Variants in GALNT2 observed in about 807,000 individuals in gnomAD.
The protein encoded by GALNT2 is polypeptide N-acetylgalactosaminyltransferase 2, also known as UDP-GalNAc:polypeptide N-acetylgalactosaminyltransferase 2.
GALNT2 carries 31 observed loss-of-function variants against 81.4 expected under a neutral mutation model. The ratio of observed to expected loss-of-function variants is 0.38; its 90% CI spans 0.29 to 0.51. GALNT2 has a LOEUF of 0.51. Among genes scored for constraint, GALNT2 ranks in the 20% least tolerant of loss-of-function variants. The pLI is 0.87. For synonymous variants in GALNT2, 303 were observed against 287.4 expected (o/e 1.05, Z -0.55); for missense variants, 629 against 765.7 (o/e 0.82, Z 2.11).
At position 230,261,506 on chromosome 1, in the gene GALNT2, G is replaced by A. The variant is rs144553265; in HGVS notation, c.1137-1067G>A. Among the ~76,000 whole-genome samples the A allele has an allele frequency of 1.6e-3, 245 of 152,332 alleles. 1 individual carries two copies. Among genetic ancestry groups the A allele is most frequent in the African/African-American group, 5.3e-3 (222 of 41,574 alleles). ...TGAAGTGGGAGTCCACCTTATAGCC[G>A]AGACCAGAATATGGGAGCAAAGAGG... On this transcript the variant is annotated intron_variant, in intron 11 of 15. Transcript: ENST00000366672.
At position 230,249,167 on chromosome 1, in the gene GALNT2, C is replaced by T; in HGVS notation, c.818-17C>T. 2 of 1,613,244 alleles carry T rather than the reference C, an allele frequency of 1.2e-6. No individual in the cohort carries two copies. The highest frequency in any genetic ancestry group is 1.7e-6 in the Non-Finnish European group (2 of 1,179,258). ...CCAGTCTCTTGTCAACACCCTGTTT[C>T]TTTTCCTGGCTGGCAGGTTTTGATT... On this transcript the variant is annotated splice_polypyrimidine_tract_variant and intron_variant, in intron 8 of 15. Coordinates refer to ENST00000366672, the MANE Select transcript of GALNT2 (RefSeq NM_004481.5).
intron 3 of GALNT2, among the ~76,000 whole-genome samples, chr1:230,220,119 G>T (rs1010295286): frequency 1.2e-4 from 18 of 152,272 alleles, no homozygotes; most frequent in African/African-American, 3.4e-4. Flanking sequence ...ACAGTACCTT[G>T]TACTCAAACA....
chr1:230,231,081 C>T (rs1664852600), intron 3 of GALNT2, among the ~76,000 whole-genome samples: 1 of 152,168 alleles, frequency 6.6e-6, no homozygotes, highest in African/African-American at 2.4e-5. Context: ...TACTTGGAGC[C>T]GCTGCTGCAT....
intron 6 of GALNT2, among the ~76,000 whole-genome samples, chr1:230,241,385 G>A (rs1665194776): frequency 6.6e-6 from 1 of 151,768 alleles, no homozygotes; most frequent in Non-Finnish European, 1.5e-5. Context: ...AGATGATGAT[G>A]CTGAACTTCT....
At chr1:230,182,071 T>C (rs1213878293) in intron 2 of GALNT2, among the ~76,000 whole-genome samples, 1 of 152,218 alleles carries the variant, frequency 6.6e-6, no homozygotes, top group East Asian at 1.9e-4. Flanking sequence ...ATCCATGGGA[T>C]CTGTAGTTAT....
chr1:230,235,467 G>A (rs979657605), intron 3 of GALNT2, among the ~76,000 whole-genome samples: 1 of 152,142 alleles, frequency 6.6e-6, no homozygotes, highest in African/African-American at 2.4e-5. Context: ...ACTGCCCTTT[G>A]GGGTATTTGG....
intron 3 of GALNT2, among the ~76,000 whole-genome samples, chr1:230,229,733 A>G (rs969333635): frequency 2.0e-5 from 3 of 152,238 alleles, no homozygotes; most frequent in African/African-American, 4.8e-5. Context: ...GGGTGAATGA[A>G]ACAGAGCTGT....
intron 4 of GALNT2, 50 bp from the exon 5 acceptor site, chr1:230,236,303 G>A (rs78869386): frequency 6.3e-7 from 1 of 1,578,570 alleles, no homozygotes; most frequent in East Asian, 2.2e-5. Flanking sequence ...CAGGCTAAAA[G>A]TTTATACCCC....
chr1:230,210,164 G>A (rs747236044), intron 3 of GALNT2, among the ~76,000 whole-genome samples: 4 of 152,176 alleles, frequency 2.6e-5, no homozygotes, highest in African/African-American at 4.8e-5. Context: ...GCCTGGAAAT[G>A]CATCTGATAA....
At chr1:230,115,993 T>C (rs1049356652) in intron 1 of GALNT2, among the ~76,000 whole-genome samples, 7 of 152,192 alleles carry the variant, frequency 4.6e-5, no homozygotes, top group African/African-American at 1.7e-4. Flanking sequence ...TCTTGGTGTT[T>C]CCACCACAAC....
chr1:230,202,309 G>A (rs911315826), intron 2 of GALNT2, among the ~76,000 whole-genome samples: 1 of 152,064 alleles, frequency 6.6e-6, no homozygotes, highest in African/African-American at 2.4e-5. Context: ...TTACACCTGG[G>A]CTCATCCTGA....
chr1:230,214,736 C>G (rs761624411), intron 3 of GALNT2, among the ~76,000 whole-genome samples: 1 of 152,188 alleles, frequency 6.6e-6, no homozygotes, highest in South Asian at 2.1e-4. Context: ...TCTCCTCTTC[C>G]TCTGAGACCC....
At chr1:230,116,860 C>T (rs183345968) in intron 1 of GALNT2, among the ~76,000 whole-genome samples, 8 of 152,288 alleles carry the variant, frequency 5.3e-5, no homozygotes, top group East Asian at 1.9e-4. Context: ...CTAGGAGTTT[C>T]GGAATGGTAA....
chr1:230,112,378 G>A (rs955722769), intron 1 of GALNT2, among the ~76,000 whole-genome samples: 42 of 144,838 alleles, frequency 2.9e-4, no homozygotes, highest in Non-Finnish European at 4.9e-4. Context: ...CAGAGGCGCC[G>A]GGGGAGGGGG....
chr1:230,191,339 G>A (rs923013537), intron 2 of GALNT2, among the ~76,000 whole-genome samples: 1 of 152,192 alleles, frequency 6.6e-6, no homozygotes, highest in Non-Finnish European at 1.5e-5. Context: ...TGTCCGATGA[G>A]GAACATGTGC....
intron 1 of GALNT2, among the ~76,000 whole-genome samples, chr1:230,169,916 G>A (rs559711276): frequency 6.6e-6 from 1 of 152,348 alleles, no homozygotes; most frequent in African/African-American, 2.4e-5. Flanking sequence ...AGCAGTGAAA[G>A]TGAAACTGGA....
chr1:230,129,717 C>T (rs1009957683), intron 1 of GALNT2, among the ~76,000 whole-genome samples: 1 of 152,192 alleles, frequency 6.6e-6, no homozygotes, highest in Non-Finnish European at 1.5e-5. Context: ...GTTCAGCTTT[C>T]GTTTTAGACT....
chr1:230,147,478 T>C (rs919190049), intron 1 of GALNT2, among the ~76,000 whole-genome samples: 1 of 152,250 alleles, frequency 6.6e-6, no homozygotes, highest in African/African-American at 2.4e-5. Context: ...GGGCTGAGAC[T>C]GGTGTCGCCT....
At chr1:230,262,434 G>C (rs1324175615) in intron 11 of GALNT2, 139 bp from the exon 12 acceptor site, 3 of 698,304 alleles carry the variant, frequency 4.3e-6, no homozygotes, top group Admixed American at 2.4e-5. Flanking sequence ...CCCACCCTCT[G>C]CTGTGTGCCG....
Sources: allele counts gnomAD v4.1 joint callset (sites outside exome capture counted in the v4.1 genomes callset), GRCh38; gene constraint gnomAD v4.1.1; transcripts MANE v1.5; gene names NCBI Gene and HGNC (gene_info 2026-07-23, HGNC 2026-07-21).